Variants in PAK1 observed in about 807,000 individuals in gnomAD.
The protein encoded by PAK1 is serine/threonine-protein kinase PAK 1.
In PAK1, 29 loss-of-function variants were observed where a neutral mutation model predicts 67.4. That is an observed-to-expected ratio of 0.43 (90% CI 0.32 to 0.59). The LOEUF (loss-of-function observed/expected upper bound fraction) is 0.59. Among genes scored for constraint, PAK1 ranks in the 20% least tolerant of loss-of-function variants. The pLI is 0.07. For missense variants in PAK1, 337 were observed against 670.7 expected, an observed-to-expected ratio of 0.50 and a Z score of 5.50; for synonymous variants, 223 against 237.4, an observed-to-expected ratio of 0.94 and a Z score of 0.56.
At chr11:77,341,696 C>G (rs1197356870) in intron 10 of PAK1, among the ~76,000 whole-genome samples, 1 of 152,184 alleles carries the variant, frequency 6.6e-6, no homozygotes. Context: ...GACAAAGAAG[C>G]TGGATTGGAA....
chr11:77,528,799 C>T, the PAK1 span, among the ~76,000 whole-genome samples: 13 of 152,030 alleles, frequency 8.6e-5, no homozygotes, highest in Non-Finnish European at 1.8e-4. Context: ...AATTTGCATG[C>T]TTCTCGGTTT....
the PAK1 span, among the ~76,000 whole-genome samples, chr11:77,524,777 A>G: frequency 6.6e-6 from 1 of 152,202 alleles, no homozygotes; most frequent in South Asian, 2.1e-4. Flanking sequence ...CAAGGGCAAG[A>G]ATTTTCATTG....
At chr11:77,520,332 G>T in the PAK1 span, among the ~76,000 whole-genome samples, 2 of 152,156 alleles carry the variant, frequency 1.3e-5, no homozygotes, top group Non-Finnish European at 2.9e-5. Flanking sequence ...CTGGCAAAAA[G>T]GGCCATCATC....
chr11:77,384,116 GGGAA>G (rs1950171357), intron 2 of PAK1, among the ~76,000 whole-genome samples: 1 of 152,152 alleles, frequency 6.6e-6, no homozygotes, highest in Non-Finnish European at 1.5e-5. Context: ...AGACCGAGAT[GGGAA>G]AGGGCATTTC....
At chr11:77,391,349 T>C (rs1311607748) in intron 2 of PAK1, among the ~76,000 whole-genome samples, 1 of 152,236 alleles carries the variant, frequency 6.6e-6, no homozygotes, top group Non-Finnish European at 1.5e-5. Context: ...AGGAACTTTG[T>C]ATGTAGTCTT....
intron 2 of PAK1, among the ~76,000 whole-genome samples, chr11:77,383,221 C>T (rs1331707057): frequency 1.3e-5 from 2 of 151,594 alleles, no homozygotes; most frequent in Non-Finnish European, 2.9e-5. Context: ...AGATTAGACG[C>T]GGAGTACAAG....
At chr11:77,396,133 T>C (rs2602465) in intron 1 of PAK1, among the ~76,000 whole-genome samples, 52,440 of 152,162 alleles carry the variant, frequency 0.34, 9,209 homozygotes, top group South Asian at 0.51. Flanking sequence ...CTTTTCTCCA[T>C]TTCTCAGTCC....
intron 1 of PAK1, among the ~76,000 whole-genome samples, chr11:77,446,140 A>G (rs763183930): frequency 1.3e-5 from 2 of 152,174 alleles, no homozygotes; most frequent in African/African-American, 4.8e-5. Context: ...AATAAATATA[A>G]TATTTGTTGT....
chr11:77,491,136 A>G, the PAK1 span, among the ~76,000 whole-genome samples: 1 of 151,844 alleles, frequency 6.6e-6, no homozygotes, highest in East Asian at 1.9e-4. Context: ...AAAAAAAAAA[A>G]GAAAAAAAAA....
At chr11:77,438,423 CAT>C (rs1956220165) in intron 1 of PAK1, among the ~76,000 whole-genome samples, 1 of 152,184 alleles carries the variant, frequency 6.6e-6, no homozygotes, top group Admixed American at 6.5e-5. Context: ...GCCCAGGACA[CAT>C]ATCCAAACTG....
intron 8 of PAK1, among the ~76,000 whole-genome samples, chr11:77,350,568 T>C (rs1162329269): frequency 6.6e-6 from 1 of 152,232 alleles, no homozygotes; most frequent in East Asian, 1.9e-4. Context: ...ACATGCCATA[T>C]GTTAGGTACA....
intron 1 of PAK1, among the ~76,000 whole-genome samples, chr11:77,412,545 C>T (rs1954678628): frequency 1.3e-5 from 2 of 152,130 alleles, no homozygotes; most frequent in South Asian, 4.1e-4. Flanking sequence ...CCTCCCACCT[C>T]AGCCTCCCAA....
At chr11:77,340,819 G>A (rs1943486474) in intron 10 of PAK1, 56 bp from the exon 11 acceptor site, 10 of 951,006 alleles carry the variant, frequency 1.1e-5, no homozygotes, top group Non-Finnish European at 1.7e-5. Flanking sequence ...CTGAGCCATA[G>A]CACTGGGTTT....
chr11:77,420,887 A>G (rs886640856), intron 1 of PAK1, among the ~76,000 whole-genome samples: 2 of 152,238 alleles, frequency 1.3e-5, no homozygotes, highest in Non-Finnish European at 2.9e-5. Context: ...TGCATAGTAT[A>G]GCCCCTCATA....
intron 1 of PAK1, among the ~76,000 whole-genome samples, chr11:77,458,767 G>A (rs1296352921): frequency 6.6e-6 from 1 of 152,160 alleles, no homozygotes; most frequent in Non-Finnish European, 1.5e-5. Flanking sequence ...GACGGAGAGA[G>A]TACTACGAAA....
chr11:77,448,779 G>C (rs75676533), intron 1 of PAK1, among the ~76,000 whole-genome samples: 1 of 152,212 alleles, frequency 6.6e-6, no homozygotes, highest in African/African-American at 2.4e-5. Flanking sequence ...CTACCCATGG[G>C]AAGTTTTTTG....
At position 77,462,330 on chromosome 11, in the gene PAK1, C is replaced by CA. The variant is rs34121310; in HGVS notation, c.-22+11221dup. Among the ~76,000 whole-genome samples the CA allele has an allele frequency of 1.9e-3, 265 of 140,094 alleles. 2 individuals are homozygous for CA. The highest frequency in any genetic ancestry group is 7.4e-3 in the Middle Eastern group (2 of 270). 91.9% of individuals were successfully genotyped at this position (140,094 alleles called of 152,430 possible). ...TGGGCAACAGAGTGAGACTCCGTCT[C>CA]AAAAAAAAAAAAAATGTTCCGCATC... On this transcript the variant is annotated intron_variant, in intron 1 of 14. Transcript: ENST00000356341.
intron 1 of PAK1, among the ~76,000 whole-genome samples, chr11:77,409,494 T>C (rs1179717833): frequency 6.6e-6 from 1 of 151,958 alleles, no homozygotes; most frequent in African/African-American, 2.4e-5. Context: ...GATATCACAC[T>C]CCCATGAATC....
the PAK1 span, among the ~76,000 whole-genome samples, chr11:77,519,323 T>C: frequency 6.6e-6 from 1 of 152,254 alleles, no homozygotes; most frequent in Non-Finnish European, 1.5e-5. Context: ...CTATAAAATA[T>C]CCCACATTCT....
Sources: allele counts gnomAD v4.1 joint callset (sites outside exome capture counted in the v4.1 genomes callset), GRCh38; gene constraint gnomAD v4.1.1; transcripts MANE v1.5; gene names NCBI Gene and HGNC (gene_info 2026-07-23, HGNC 2026-07-21).